The following CYTH3 variants were observed in gnomAD, a reference collection of about 807,000 sequenced individuals.
CYTH3 encodes the protein cytohesin 3.
A neutral mutation model predicts 55.1 loss-of-function variants in CYTH3; 23 were observed. The observed-to-expected ratio is 0.42, with a 90% CI of 0.30 to 0.59. The LOEUF is 0.59. CYTH3 is among the 20% of genes least tolerant of loss of function. CYTH3 has a pLI of 0.20. For missense variants in CYTH3, 413 were observed against 524.8 expected (o/e 0.79, Z 2.08); for synonymous variants, 249 against 194.9 (o/e 1.28, Z -2.31).
At chr7:6,202,550 G>A (rs1440442400) in intron 1 of CYTH3, among the ~76,000 whole-genome samples, 4 of 145,610 alleles carry the variant, frequency 2.7e-5, no homozygotes, top group African/African-American at 7.7e-5. Flanking sequence ...CGCAACCTCC[G>A]CCTCCTGGGT....
At chr7:6,200,300 G>A (rs982178788) in intron 1 of CYTH3, among the ~76,000 whole-genome samples, 9 of 152,104 alleles carry the variant, frequency 5.9e-5, no homozygotes, top group Admixed American at 5.9e-4. Flanking sequence ...TTATATACAT[G>A]TATATGCAAA....
In CYTH3 at chr7:6,216,249, A is replaced by T. The variant is rs769804032; in HGVS notation, c.35-25718T>A. ...AATATATATGGAAGAAATATGTAAG[A>T]TTACAAATTGGAGACAGTGAGGGAC... On this transcript the variant is annotated intron_variant, in intron 1 of 12. Transcript: ENST00000350796. Among the ~76,000 whole-genome samples, 172 of 152,184 alleles carry T rather than the reference A, an allele frequency of 1.1e-3. 7 individuals carry two copies. Among genetic ancestry groups the T allele is most frequent in the Non-Finnish European group, 4.1e-4 (28 of 68,038 alleles).
Position 6,170,807 on chromosome 7 carries a change from CG to C in CYTH3, c.711+22del, listed in dbSNP as rs780287138. On this transcript the variant is annotated intron_variant, in intron 8 of 12. Transcript: ENST00000350796. This position sits in a 1 kb window ranked among gnomAD's most constrained non-coding sequence, Gnocchi z 7.8. ...AGCGAAGAGATCCTGCAGACGGCAG[CG>C]GCCGCGGGCCGGGGAGCTCACCCTC... is the stretch of plus-strand genomic sequence containing the variant. The C allele has an allele frequency of 1.3e-6, 2 of 1,599,000 alleles. No homozygotes were observed. The highest frequency in any genetic ancestry group is 1.7e-5 in the Admixed American group (1 of 58,242).
chr7:6,272,334 G>T, intron 1 of CYTH3, 140 bp downstream of exon 1: 3 of 748,452 alleles, frequency 4.0e-6, no homozygotes, highest in Non-Finnish European at 5.2e-6. Context: ...GCGTGCCTCA[G>T]GCCTCCAGCG....
chr7:6,226,091 AG>A (rs1182555059), intron 1 of CYTH3, among the ~76,000 whole-genome samples: 1 of 152,198 alleles, frequency 6.6e-6, no homozygotes, highest in Non-Finnish European at 1.5e-5. Flanking sequence ...CCATGTCCCT[AG>A]CTTAGCAAAC....
chr7:6,180,100 G>A (rs1405210712), intron 4 of CYTH3, among the ~76,000 whole-genome samples: 1 of 152,194 alleles, frequency 6.6e-6, no homozygotes, highest in South Asian at 2.1e-4. Context: ...GAGGCCATCA[G>A]CTGCAGGTGG....
At chr7:6,219,396 T>G (rs1457733245) in intron 1 of CYTH3, among the ~76,000 whole-genome samples, 1 of 152,178 alleles carries the variant, frequency 6.6e-6, no homozygotes, top group Non-Finnish European at 1.5e-5. Flanking sequence ...AGGGCTTAAT[T>G]TGGGAAATTC....
chr7:6,258,818 A>T (rs1780201829), intron 1 of CYTH3, among the ~76,000 whole-genome samples: 1 of 152,220 alleles, frequency 6.6e-6, no homozygotes. Context: ...CAGCCACCCT[A>T]ATTCTTGAAT....
intron 1 of CYTH3, among the ~76,000 whole-genome samples, chr7:6,211,302 G>C (rs112629346): frequency 6.6e-6 from 1 of 152,212 alleles, no homozygotes; most frequent in Non-Finnish European, 1.5e-5. Context: ...CATGGCTGTT[G>C]TATTTCTTTC....
chr7:6,199,717 T>C (rs1326640652), intron 1 of CYTH3, among the ~76,000 whole-genome samples: 1 of 152,336 alleles, frequency 6.6e-6, no homozygotes, highest in East Asian at 1.9e-4. Context: ...GTCTTGTAAA[T>C]GATAACTATG....
chr7:6,217,166 G>A (rs141603754), intron 1 of CYTH3, among the ~76,000 whole-genome samples: 13 of 152,162 alleles, frequency 8.5e-5, no homozygotes, highest in East Asian at 1.9e-4. Flanking sequence ...CACCAGCCTC[G>A]GCCTCCCAAA....
At chr7:6,224,503 G>A (rs991605556) in intron 1 of CYTH3, among the ~76,000 whole-genome samples, 1 of 152,280 alleles carries the variant, frequency 6.6e-6, no homozygotes, top group African/African-American at 2.4e-5. Flanking sequence ...CTCAAAATGA[G>A]TGAATGACCT....
At chr7:6,180,360 AGAG>A (rs1277133813) in intron 4 of CYTH3, among the ~76,000 whole-genome samples, 3 of 152,212 alleles carry the variant, frequency 2.0e-5, no homozygotes, top group African/African-American at 4.8e-5. Context: ...AGAGACAAGC[AGAG>A]GAGGAGGACA....
At chr7:6,203,813 G>C (rs555190194) in intron 1 of CYTH3, among the ~76,000 whole-genome samples, 1 of 152,042 alleles carries the variant, frequency 6.6e-6, no homozygotes, top group South Asian at 2.1e-4. Context: ...CCGCCTCCTG[G>C]GTTCACACCA....
chr7:6,197,870 T>C (rs567811068), intron 1 of CYTH3, among the ~76,000 whole-genome samples: 11 of 152,148 alleles, frequency 7.2e-5, no homozygotes, highest in African/African-American at 2.4e-4. Context: ...AGCCAGAAGA[T>C]TGCTTGAGGC....
intron 1 of CYTH3, among the ~76,000 whole-genome samples, chr7:6,259,788 T>TA (rs1474533898): frequency 4.0e-4 from 6 of 15,104 alleles, no homozygotes; most frequent in Non-Finnish European, 4.4e-4. Context: ...ATATATAATA[T>TA]ATATATATAT....
chr7:6,243,409 G>A (rs921380737), intron 1 of CYTH3, among the ~76,000 whole-genome samples: 1 of 152,208 alleles, frequency 6.6e-6, no homozygotes, highest in East Asian at 1.9e-4. Context: ...GCATGGGTGG[G>A]ATGGGGCAGG....
At chr7:6,185,541 A>T (rs1203786698) in intron 4 of CYTH3, among the ~76,000 whole-genome samples, 1 of 151,938 alleles carries the variant, frequency 6.6e-6, no homozygotes, top group Non-Finnish European at 1.5e-5. Flanking sequence ...CTAAAAAAAA[A>T]TACAAAAAAT....
At chr7:6,213,524 C>T (rs1387192083) in intron 1 of CYTH3, among the ~76,000 whole-genome samples, 2 of 151,992 alleles carry the variant, frequency 1.3e-5, no homozygotes, top group Non-Finnish European at 2.9e-5. Context: ...AGTAAAGTGT[C>T]CCCATGGTTT....
Sources: gnomAD v4.1 joint callset for allele counts (sites outside exome capture counted in the v4.1 genomes callset) on GRCh38, gnomAD v4.1.1 for gene constraint, Gnocchi (gnomAD v3.1) non-coding constraint, MANE v1.5 for transcripts, NCBI Gene and HGNC (gene_info 2026-07-23, HGNC 2026-07-21) for gene names.